The following MAD1L1 variants were observed in gnomAD, a reference collection of about 807,000 sequenced individuals.
The protein encoded by MAD1L1 is mitotic spindle assembly checkpoint protein MAD1.
MAD1L1 carries 95 observed loss-of-function variants against 96.9 expected under a neutral mutation model. The observed-to-expected ratio is 0.98, with a 90% confidence interval of 0.83 to 1.16. MAD1L1 has a LOEUF of 1.16. MAD1L1 is among the 50% of genes most tolerant of loss of function. The probability of loss-of-function intolerance (pLI) is 0.00; values close to 1 mark genes in which losing one functional copy is unlikely to be tolerated. For synonymous variants in MAD1L1, 473 were observed against 396.6 expected (o/e 1.19, Z -2.29); for missense variants, 1,007 against 954.4 (o/e 1.06, Z -0.73).
At chr7:2,212,832 C>G (rs976448354) in intron 10 of MAD1L1, among the ~76,000 whole-genome samples, 1 of 152,204 alleles carries the variant, frequency 6.6e-6, no homozygotes, top group African/African-American at 2.4e-5. Flanking sequence ...TCTAAAAACT[C>G]AGTTCATCTC....
intron 11 of MAD1L1, among the ~76,000 whole-genome samples, chr7:2,137,055 C>T (rs371058184): frequency 7.9e-5 from 12 of 152,190 alleles, no homozygotes; most frequent in Non-Finnish European, 1.5e-4. Context: ...CAGCTCCTGG[C>T]AGCCCTGACC....
chr7:2,223,620 G>A (rs184288244), intron 4 of MAD1L1: 142 of 152,484 alleles, frequency 9.3e-4, no homozygotes, highest in African/African-American at 3.3e-3. Flanking sequence ...CGCCTTCTGA[G>A]AGAGGCTGAC....
intron 17 of MAD1L1, among the ~76,000 whole-genome samples, chr7:1,912,909 G>A (rs550420737): frequency 2.5e-4 from 38 of 152,248 alleles, no homozygotes; most frequent in Admixed American, 9.8e-4. Context: ...ACGTGGGGGC[G>A]GGGCTGTGTG....
intron 11 of MAD1L1, among the ~76,000 whole-genome samples, chr7:2,121,278 C>T (rs769027875): frequency 2.6e-5 from 4 of 152,228 alleles, no homozygotes; most frequent in African/African-American, 4.8e-5. Context: ...GCGGCTCCTC[C>T]GCCTCTCCCA....
intron 11 of MAD1L1, among the ~76,000 whole-genome samples, chr7:2,109,180 C>T (rs1787249381): frequency 6.6e-6 from 1 of 152,234 alleles, no homozygotes; most frequent in African/African-American, 2.4e-5. Context: ...AGACGGAAAA[C>T]CCGAGCTCTG....
chr7:2,186,996 T>A (rs749456516), intron 10 of MAD1L1, among the ~76,000 whole-genome samples: 3 of 151,948 alleles, frequency 2.0e-5, no homozygotes, highest in Non-Finnish European at 4.4e-5. Context: ...TTTCGCCATG[T>A]TGGCCAGGCT....
intron 17 of MAD1L1, among the ~76,000 whole-genome samples, chr7:1,935,741 T>C (rs1269692512): frequency 6.6e-6 from 1 of 152,122 alleles, no homozygotes; most frequent in East Asian, 1.9e-4. Context: ...CAGAAGAAGG[T>C]ATCATCGGAT....
At chr7:2,125,259 C>T (rs1788177535) in intron 11 of MAD1L1, among the ~76,000 whole-genome samples, 2 of 151,964 alleles carry the variant, frequency 1.3e-5, no homozygotes, top group African/African-American at 2.4e-5. Flanking sequence ...GGCGGCGCCA[C>T]GAGGCAGGTG....
chr7:2,000,493 A>G (rs1052938394), intron 14 of MAD1L1, among the ~76,000 whole-genome samples: 1 of 151,752 alleles, frequency 6.6e-6, no homozygotes, highest in African/African-American at 2.4e-5. Flanking sequence ...CGCTTCTGTC[A>G]CCCCTAACCT....
At chr7:2,221,405 G>A (rs1026570811) in intron 5 of MAD1L1, among the ~76,000 whole-genome samples, 4 of 152,116 alleles carry the variant, frequency 2.6e-5, no homozygotes, top group Non-Finnish European at 4.4e-5. Flanking sequence ...AGCAGATAGG[G>A]GAACAGCCTG....
intron 14 of MAD1L1, among the ~76,000 whole-genome samples, chr7:1,994,926 C>T (rs981503547): frequency 6.6e-6 from 1 of 152,324 alleles, no homozygotes; most frequent in Admixed American, 6.5e-5. Flanking sequence ...GATTTCCACC[C>T]ACCCCAGCTT....
At chr7:2,077,626 C>T (rs3800875) in intron 11 of MAD1L1, among the ~76,000 whole-genome samples, 25,724 of 152,268 alleles carry the variant, frequency 0.17, 2,453 homozygotes, top group Middle Eastern at 0.33. Context: ...GAGCAGTGAA[C>T]TCTAACTGGT....
rs1562431584 is a variant in MAD1L1, at chr7:1,827,465, T to TCC, written c.1999-11238_1999-11237insGG. Among the ~76,000 whole-genome samples the TCC allele has an allele frequency of 1.6e-3, 123 of 79,330 alleles. 18 individuals are homozygous for TCC. The highest frequency in any genetic ancestry group is 9.6e-3 in the Admixed American group (82 of 8,530). 52.0% of individuals were successfully genotyped at this position (79,330 alleles called of 152,430 possible). A position where few individuals can be genotyped will look rare whatever the true frequency, so the allele number is the denominator to read the frequency against. On this transcript the variant is annotated intron_variant, in intron 18 of 18. Transcript: ENST00000265854. ...GTGGGGTCCTCCCCTCCTGAGCCCG[T>TCC]CGCGGGTGTGGGGGCCTCCCCTCCT...
chr7:1,964,650 T>C (rs1192735547), intron 15 of MAD1L1, among the ~76,000 whole-genome samples: 1 of 152,214 alleles, frequency 6.6e-6, no homozygotes, highest in African/African-American at 2.4e-5. Context: ...CGAGGAGCGC[T>C]ACATAAATTA....
chr7:2,104,171 T>A (rs1349377780), intron 11 of MAD1L1, among the ~76,000 whole-genome samples: 6 of 152,166 alleles, frequency 3.9e-5, no homozygotes, highest in Non-Finnish European at 7.3e-5. Context: ...TGGGCCTCCA[T>A]TTGGGGAACC....
At chr7:1,969,818 A>T (rs147402475) in intron 15 of MAD1L1, among the ~76,000 whole-genome samples, 2,012 of 152,364 alleles carry the variant, frequency 0.013, 37 homozygotes, top group African/African-American at 0.046. Flanking sequence ...CCAAGGAGGC[A>T]TAAGATTTGT....
chr7:2,228,322 C>T (rs181461416), intron 3 of MAD1L1, among the ~76,000 whole-genome samples: 3 of 152,252 alleles, frequency 2.0e-5, no homozygotes, highest in Non-Finnish European at 2.9e-5. Flanking sequence ...AGTGCAGTGG[C>T]GCGATGGCTC....
At chr7:2,164,054 T>C (rs1045505816) in intron 10 of MAD1L1, among the ~76,000 whole-genome samples, 68 of 152,020 alleles carry the variant, frequency 4.5e-4, no homozygotes, top group African/African-American at 1.6e-3. Flanking sequence ...CTCAGGAAAA[T>C]GGGAACAGTT....
At chr7:2,122,427 A>C (rs1026033573) in intron 11 of MAD1L1, among the ~76,000 whole-genome samples, 1 of 152,142 alleles carries the variant, frequency 6.6e-6, no homozygotes, top group Admixed American at 6.5e-5. Flanking sequence ...TGGGAGTTCG[A>C]GACCAGCCTA....
Sources: gnomAD v4.1 joint callset for allele counts (sites outside exome capture counted in the v4.1 genomes callset) on GRCh38, gnomAD v4.1.1 for gene constraint, MANE v1.5 for transcripts, NCBI Gene and HGNC (gene_info 2026-07-23, HGNC 2026-07-21) for gene names.